Variants in FRMD4A observed in about 807,000 individuals in gnomAD.
The protein encoded by FRMD4A is FERM domain-containing protein 4A.
A neutral mutation model predicts 129.1 loss-of-function variants in FRMD4A; 29 were observed. That is an observed-to-expected ratio of 0.22 (90% CI 0.17 to 0.31). The LOEUF is 0.31. FRMD4A is among the 10% of genes least tolerant of loss of function. The pLI, the probability that FRMD4A is intolerant of heterozygous loss-of-function variation, is 1.00. For missense variants in FRMD4A, 1,272 were observed against 1,375.8 expected, an observed-to-expected ratio of 0.92 and a Z score of 1.19; for synonymous variants, 634 against 571.6, an observed-to-expected ratio of 1.11 and a Z score of -1.56.
intron 2 of FRMD4A, among the ~76,000 whole-genome samples, chr10:14,312,371 T>A (rs1385921009): frequency 1.3e-5 from 2 of 152,234 alleles, no homozygotes; most frequent in African/African-American, 4.8e-5. Flanking sequence ...CAGTTCTCAT[T>A]TTCCTGGAGC....
intron 2 of FRMD4A, among the ~76,000 whole-genome samples, chr10:14,276,368 T>G (rs1377006065): frequency 6.6e-6 from 1 of 152,158 alleles, no homozygotes; most frequent in Non-Finnish European, 1.5e-5. Context: ...GGCAACTTCC[T>G]CTGTGTGGCC....
intron 2 of FRMD4A, among the ~76,000 whole-genome samples, chr10:14,205,413 T>C (rs977072149): frequency 3.9e-5 from 6 of 152,312 alleles, no homozygotes; most frequent in African/African-American, 1.4e-4. Flanking sequence ...AGGAGTTTTC[T>C]GATGCTGATA....
chr10:14,123,233 A>G (rs558332968), intron 2 of FRMD4A, among the ~76,000 whole-genome samples: 1 of 152,206 alleles, frequency 6.6e-6, no homozygotes, highest in Non-Finnish European at 1.5e-5. Context: ...TTTCTTGTAT[A>G]TTGAGAGGCC....
chr10:14,261,654 A>T, intron 2 of FRMD4A, among the ~76,000 whole-genome samples: 1 of 152,186 alleles, frequency 6.6e-6, no homozygotes, highest in Non-Finnish European at 1.5e-5. Context: ...GGCAGTGGGC[A>T]TCAGCCTAGA....
At chr10:14,003,102 G>A (rs571734037) in intron 2 of FRMD4A, among the ~76,000 whole-genome samples, 239 of 152,256 alleles carry the variant, frequency 1.6e-3, no homozygotes, top group Non-Finnish European at 2.5e-3. Flanking sequence ...CACAGTGGCT[G>A]CAGCACAGAG....
At chr10:14,299,439 G>C (rs548552309) in intron 2 of FRMD4A, among the ~76,000 whole-genome samples, 42 of 152,266 alleles carry the variant, frequency 2.8e-4, no homozygotes, top group African/African-American at 9.6e-4. Context: ...ACCTGCTATA[G>C]CCTGGTACTT....
At chr10:13,753,774 G>A (rs1564745258) in intron 8 of FRMD4A, among the ~76,000 whole-genome samples, 1 of 151,912 alleles carries the variant, frequency 6.6e-6, no homozygotes, top group South Asian at 2.1e-4. Context: ...TGAACTCCTG[G>A]GCTCAAGCAA....
intron 15 of FRMD4A, among the ~76,000 whole-genome samples, chr10:13,691,103 T>C (rs1015569712): frequency 3.9e-5 from 6 of 152,184 alleles, no homozygotes; most frequent in Non-Finnish European, 7.3e-5. Flanking sequence ...TTCTCCTGCC[T>C]CAGCCTCGAA....
At chr10:14,035,574 A>C (rs1833460348) in intron 2 of FRMD4A, among the ~76,000 whole-genome samples, 1 of 152,218 alleles carries the variant, frequency 6.6e-6, no homozygotes, top group South Asian at 2.1e-4. Flanking sequence ...ATTTAGCTTG[A>C]TAGAAAAATC....
At chr10:13,691,772 C>G (rs2085718171) in intron 15 of FRMD4A, among the ~76,000 whole-genome samples, 2 of 152,172 alleles carry the variant, frequency 1.3e-5, no homozygotes, top group South Asian at 4.1e-4. Flanking sequence ...TAGATGCAGC[C>G]TCTCTCATCT....
chr10:13,807,901 C>T (rs992965783), intron 4 of FRMD4A, among the ~76,000 whole-genome samples: 1 of 151,416 alleles, frequency 6.6e-6, no homozygotes, highest in Non-Finnish European at 1.5e-5. Flanking sequence ...CGGGTTCAAG[C>T]GATTCTTCTG....
intron 2 of FRMD4A, among the ~76,000 whole-genome samples, chr10:14,309,188 G>T (rs148535267): frequency 2.5e-4 from 38 of 152,260 alleles, no homozygotes; most frequent in African/African-American, 9.1e-4. Flanking sequence ...GGTGGCTCAC[G>T]TCTGTAATCA....
At chr10:13,766,889 A>G (rs1310320414) in intron 6 of FRMD4A, among the ~76,000 whole-genome samples, 1 of 152,144 alleles carries the variant, frequency 6.6e-6, no homozygotes, top group African/African-American at 2.4e-5. Flanking sequence ...CCTGGACAAC[A>G]TGGTGAAACC....
chr10:13,824,526 A>G (rs1431269595), intron 3 of FRMD4A, among the ~76,000 whole-genome samples: 1 of 151,640 alleles, frequency 6.6e-6, no homozygotes, highest in East Asian at 1.9e-4. Context: ...GATAAAAATA[A>G]AAACCAATAC....
chr10:14,256,825 A>T (rs531823520), intron 2 of FRMD4A, among the ~76,000 whole-genome samples: 49 of 152,256 alleles, frequency 3.2e-4, no homozygotes, highest in African/African-American at 7.7e-4. Flanking sequence ...TCTTCAAAAA[A>T]TTTTTTAAAA....
intron 8 of FRMD4A, among the ~76,000 whole-genome samples, chr10:13,748,867 G>C (rs2091425588): frequency 6.6e-6 from 1 of 152,070 alleles, no homozygotes; most frequent in Non-Finnish European, 1.5e-5. Context: ...CCAAGCATTT[G>C]GGATGAGGGA....
intron 2 of FRMD4A, among the ~76,000 whole-genome samples, chr10:14,030,931 C>A (rs1833211439): frequency 6.6e-6 from 1 of 152,168 alleles, no homozygotes; most frequent in Non-Finnish European, 1.5e-5. Flanking sequence ...CACCCACAAC[C>A]CCTGACCAGT....
At chr10:13,805,607 T>C (rs867649797) in intron 4 of FRMD4A, among the ~76,000 whole-genome samples, 57 of 152,204 alleles carry the variant, frequency 3.7e-4, no homozygotes, top group African/African-American at 1.3e-3. Context: ...GCTTAAAAGT[T>C]GGTTAGTTAT....
At position 13,888,697 on chromosome 10, in the gene FRMD4A, A is replaced by G. The variant is rs11258709; in HGVS notation, c.46-29785T>C. On this transcript the variant is annotated intron_variant, in intron 2 of 24. Coordinates refer to ENST00000357447, the MANE Select transcript of FRMD4A (RefSeq NM_018027.5). ...TAAACCAAAAAAGAGAAATTCTGCCACAAATGTTATCATATCAGGTGCTAC... is the reference window on the plus strand; with the variant it reads ...TAAACCAAAAAAGAGAAATTCTGCCGCAAATGTTATCATATCAGGTGCTAC... 0.015 allele frequency among the ~76,000 whole-genome samples: 2,276 copies of G among 152,320 alleles called. 132 individuals carry two copies. In the East Asian group the frequency reaches 0.19, roughly 12 times the overall value.
Sources: gnomAD v4.1 joint callset for allele counts (sites outside exome capture counted in the v4.1 genomes callset) on GRCh38, gnomAD v4.1.1 for gene constraint, MANE v1.5 for transcripts, NCBI Gene and HGNC (gene_info 2026-07-23, HGNC 2026-07-21) for gene names.